FGFR1OP2: variants seen among roughly 807,000 people sequenced by gnomAD.
FGFR1OP2 encodes fibroblast growth factor receptor 1 oncogene partner 2.
A neutral mutation model predicts 35.2 loss-of-function variants in FGFR1OP2; 17 were observed. The observed-to-expected ratio is 0.48, with a 90% confidence interval of 0.33 to 0.73. FGFR1OP2 has a LOEUF of 0.73. Among genes scored for constraint, FGFR1OP2 ranks in the 30% least tolerant of loss-of-function variants. The pLI, the probability that FGFR1OP2 is intolerant of heterozygous loss-of-function variation, is 0.02. For missense variants in FGFR1OP2, 251 were observed against 307.3 expected (o/e 0.82, Z 1.37); for synonymous variants, 105 against 104.6 (o/e 1.00, Z -0.03).
intron 2 of FGFR1OP2, among the ~76,000 whole-genome samples, chr12:26,955,771 G>C (rs936200094): frequency 1.3e-5 from 2 of 152,188 alleles, no homozygotes; most frequent in African/African-American, 2.4e-5. Context: ...AGAATATGCT[G>C]CTATGAATAT....
At chr12:26,938,740 A>T (rs953160788) in intron 1 of FGFR1OP2, 30 bp downstream of exon 1, 1 of 152,350 alleles carries the variant, frequency 6.6e-6, no homozygotes, top group African/African-American at 2.4e-5. Flanking sequence ...GGACGGGAGC[A>T]GGGGTGGGCG....
At chr12:26,941,084 A>G (rs1414403141) in intron 1 of FGFR1OP2, among the ~76,000 whole-genome samples, 5 of 152,108 alleles carry the variant, frequency 3.3e-5, no homozygotes, top group Middle Eastern at 3.4e-3. Flanking sequence ...TGACTAATGC[A>G]GAAAAGAAAA....
chr12:26,954,471 T>C (rs751885263), intron 2 of FGFR1OP2, among the ~76,000 whole-genome samples, 178 bp downstream of exon 2: 1 of 152,264 alleles, frequency 6.6e-6, no homozygotes, highest in Non-Finnish European at 1.5e-5. Context: ...CCTAGACATA[T>C]ATTTCTAAAC....
rs1392211136 is a variant in FGFR1OP2 at position 26,954,620 on chromosome 12, T to C, written c.135+327T>C. The stretch of plus-strand genomic sequence containing the variant: ...TGTTGGTACACATTTTGTTCTGTCT[T>C]GTATAATGTAGAAATGTTCATATTT... On this transcript the variant is annotated intron_variant, in intron 2 of 6. Coordinates refer to ENST00000229395, the MANE Select transcript of FGFR1OP2 (RefSeq NM_015633.3). 3.9e-5 allele frequency among the ~76,000 whole-genome samples: 6 copies of C among 152,234 alleles called. No individual in the cohort carries two copies. In the East Asian group the frequency reaches 1.2e-3, roughly 29 times the overall value.
At chr12:26,959,914 A>G (rs533802682) in intron 4 of FGFR1OP2, among the ~76,000 whole-genome samples, 1 of 152,136 alleles carries the variant, frequency 6.6e-6, no homozygotes, top group Non-Finnish European at 1.5e-5. Context: ...ACAATCTACT[A>G]TAAGGTAGGG....
At chr12:26,959,754 A>G (rs1302102150) in intron 4 of FGFR1OP2, among the ~76,000 whole-genome samples, 3 of 152,174 alleles carry the variant, frequency 2.0e-5, no homozygotes, top group African/African-American at 7.2e-5. Flanking sequence ...TCACTAATAC[A>G]TATTAATGTT....
chr12:26,963,538 A>G, intron 6 of FGFR1OP2, 83 bp downstream of exon 6: 1 of 875,484 alleles, frequency 1.1e-6, no homozygotes, highest in Non-Finnish European at 1.7e-6. Flanking sequence ...TTAAATATAT[A>G]TTTACTCTTC....
chr12:26,947,602 G>T (rs938410919), intron 1 of FGFR1OP2, among the ~76,000 whole-genome samples: 1 of 152,074 alleles, frequency 6.6e-6, no homozygotes, highest in African/African-American at 2.4e-5. Flanking sequence ...GGCTGGTCTT[G>T]AATTCCTGGG....
chr12:26,951,848 G>C (rs1938933682), intron 1 of FGFR1OP2, among the ~76,000 whole-genome samples: 1 of 152,056 alleles, frequency 6.6e-6, no homozygotes, highest in African/African-American at 2.4e-5. Context: ...TGTAAAGAAG[G>C]GTTCTTCTTA....
rs1325830058 is a variant in FGFR1OP2 at position 26,950,213 on chromosome 12, G to GTGTTTTT, written c.-14-3931_-14-3930insGTTTTTT. Reference sequence around the variant, plus strand: ...CCATCAAGTAGTTAATGTATTCGTTGTTTTTTTTTTTTTTTTTTTTTTTTT... The same window carrying GTGTTTTT: ...CCATCAAGTAGTTAATGTATTCGTTGTGTTTTTTTTTTTTTTTTTTTTTTTTTTTTTT... On this transcript the variant is annotated intron_variant, in intron 1 of 6. Coordinates refer to ENST00000229395, the MANE Select transcript of FGFR1OP2 (RefSeq NM_015633.3). Among the ~76,000 whole-genome samples, 14 of 50,940 alleles carry GTGTTTTT rather than the reference G, an allele frequency of 2.7e-4. 1 individual carries two copies. Among genetic ancestry groups the GTGTTTTT allele is most frequent in the African/African-American group, 1.1e-3 (14 of 12,376 alleles). 33.4% of individuals were successfully genotyped at this position (50,940 alleles called of 152,430 possible).
chr12:26,949,198 C>T lies in FGFR1OP2; in HGVS notation c.-14-4947C>T, dbSNP rs147455531. Among the ~76,000 whole-genome samples the T allele has an allele frequency of 3.7e-4, 56 of 152,148 alleles. No homozygotes were observed. The East Asian group carries it at 6.2e-3, about 17-fold the overall frequency. ...TTGCCCAGGCTAGAGTGCAATGGCGCGATCTCAGCTCACTGCAACCTCCAC... is the reference window on the plus strand; with the variant it reads ...TTGCCCAGGCTAGAGTGCAATGGCGTGATCTCAGCTCACTGCAACCTCCAC... On this transcript the variant is annotated intron_variant, in intron 1 of 6. Coordinates refer to ENST00000229395, the MANE Select transcript of FGFR1OP2 (RefSeq NM_015633.3).
At chr12:26,939,590 C>G (rs1158841584) in intron 1 of FGFR1OP2, among the ~76,000 whole-genome samples, 1 of 152,196 alleles carries the variant, frequency 6.6e-6, no homozygotes, top group Non-Finnish European at 1.5e-5. Flanking sequence ...ATTTTACCAC[C>G]TGTCAAAACC....
chr12:26,939,540 T>G (rs1239579543), intron 1 of FGFR1OP2, among the ~76,000 whole-genome samples: 1 of 152,224 alleles, frequency 6.6e-6, no homozygotes, highest in African/African-American at 2.4e-5. Flanking sequence ...AGCTCTGTAC[T>G]TTTGTACGTG....
At chr12:26,948,665 G>T (rs1213060159) in intron 1 of FGFR1OP2, among the ~76,000 whole-genome samples, 3 of 152,220 alleles carry the variant, frequency 2.0e-5, no homozygotes, top group Admixed American at 6.5e-5. Context: ...GACTGGGAAT[G>T]ATGAAGACAA....
intron 1 of FGFR1OP2, among the ~76,000 whole-genome samples, chr12:26,950,336 C>A (rs1000159073): frequency 2.7e-5 from 4 of 145,598 alleles, no homozygotes; most frequent in Non-Finnish European, 6.0e-5. Context: ...TATTCTCCTG[C>A]CTCAGCCTCC....
intron 1 of FGFR1OP2, among the ~76,000 whole-genome samples, chr12:26,939,484 A>T (rs77879463): frequency 6.6e-6 from 1 of 152,118 alleles, no homozygotes; most frequent in South Asian, 2.1e-4. Flanking sequence ...ATCCTACCAT[A>T]CAAGACTATA....
At chr12:26,954,552 G>A (rs1400645371) in intron 2 of FGFR1OP2, among the ~76,000 whole-genome samples, 2 of 152,240 alleles carry the variant, frequency 1.3e-5, no homozygotes, top group South Asian at 2.1e-4. Context: ...AATTTGTTAG[G>A]TCTAGAAACA....
At chr12:26,964,205 A>C (rs933933905) in intron 6 of FGFR1OP2, among the ~76,000 whole-genome samples, 1 of 152,112 alleles carries the variant, frequency 6.6e-6, no homozygotes, top group African/African-American at 2.4e-5. Flanking sequence ...CCATGCTATC[A>C]TGGAAAGTAA....
rs762044268 is a variant in FGFR1OP2 at position 26,965,989 on chromosome 12, G to A, written c.*1256G>A. ...TATTGTACTCATTTATGTTGAATAC[G>A]TATTAAAATTAAGACAAATGGAAAA... On this transcript the variant is annotated 3_prime_UTR_variant, in exon 7 of 7. Coordinates refer to ENST00000229395, the MANE Select transcript of FGFR1OP2 (RefSeq NM_015633.3). 1.3e-4 allele frequency: 20 copies of A among 151,912 alleles called. No homozygotes were observed. The highest frequency in any genetic ancestry group is 1.1e-3 in the Admixed American group (17 of 15,260). 9.4% of individuals were successfully genotyped at this position (151,912 alleles called of 1,614,324 possible). A position where few individuals can be genotyped will look rare whatever the true frequency, so the allele number is the denominator to read the frequency against.
Sources: allele counts gnomAD v4.1 joint callset (sites outside exome capture counted in the v4.1 genomes callset), GRCh38; gene constraint gnomAD v4.1.1; transcripts MANE v1.5; gene names NCBI Gene and HGNC (gene_info 2026-07-23, HGNC 2026-07-21).